Variants in TLL1 observed in about 807,000 individuals in gnomAD.
TLL1 encodes tolloid-like protein 1.
A neutral mutation model predicts 128.2 loss-of-function variants in TLL1; 49 were observed. The observed-to-expected ratio is 0.38, with a 90% confidence interval of 0.30 to 0.48. The LOEUF is 0.48. Among genes scored for constraint, TLL1 ranks in the 20% least tolerant of loss-of-function variants. TLL1 has a pLI of 0.96. For synonymous variants in TLL1, 454 were observed against 418.8 expected, an observed-to-expected ratio of 1.08 and a Z score of -1.03; for missense variants, 1,123 against 1,242.0, an observed-to-expected ratio of 0.90 and a Z score of 1.44.
chr4:166,036,789 CTGTGTGTGTGTGTGTGTGTGTGTGTG>C (rs3047083), intron 9 of TLL1, among the ~76,000 whole-genome samples: 1 of 145,122 alleles, frequency 6.9e-6, no homozygotes, highest in African/African-American at 2.6e-5. Context: ...CCCTATCCAA[CTGTGTGTGTGTGTGTGTGTGTGTGTG>C]TGTGTGTGTG....
In TLL1 at chr4:166,101,734, G is replaced by A. The variant is rs1198068551; in HGVS notation, c.*858G>A. 2 of 152,414 alleles carry A rather than the reference G, an allele frequency of 1.3e-5. No homozygotes were observed. The highest frequency in any genetic ancestry group is 2.1e-4 in the South Asian group (1 of 4,820). The allele number at this position is 152,414 out of a possible 1,614,324, so 9.4% of individuals were successfully genotyped here. A position where few individuals can be genotyped will look rare whatever the true frequency, so the allele number is the denominator to read the frequency against. On this transcript the variant is annotated 3_prime_UTR_variant, in exon 21 of 21. Coordinates refer to ENST00000061240, the MANE Select transcript of TLL1 (RefSeq NM_012464.5). ...CAGGATTCTTCTGAATGACTGTCTG[G>A]ATGGTTCATTACTCAAGTTACTGCT... is the stretch of plus-strand genomic sequence containing the variant.
chr4:165,936,643 A>T (rs879625182), intron 1 of TLL1, among the ~76,000 whole-genome samples: 3 of 151,966 alleles, frequency 2.0e-5, no homozygotes, highest in Non-Finnish European at 4.4e-5. Context: ...ACTGAATGAA[A>T]TGTAGAGATC....
At chr4:165,944,734 T>C (rs529243978) in intron 1 of TLL1, among the ~76,000 whole-genome samples, 1 of 152,110 alleles carries the variant, frequency 6.6e-6, no homozygotes, top group South Asian at 2.1e-4. Context: ...TGGTGGTGGT[T>C]AGTGGAAAAA....
intron 6 of TLL1, among the ~76,000 whole-genome samples, chr4:166,004,960 C>T (rs891870960): frequency 7.9e-5 from 12 of 151,678 alleles, no homozygotes; most frequent in Admixed American, 4.0e-4. Context: ...GGGGGGGTGC[C>T]TGAAGTCCAG....
intron 9 of TLL1, among the ~76,000 whole-genome samples, 175 bp from the exon 10 acceptor site, chr4:166,039,164 C>T (rs1032663310): frequency 3.9e-5 from 6 of 152,062 alleles, no homozygotes; most frequent in Non-Finnish European, 7.4e-5. Flanking sequence ...AATGGGAAAA[C>T]ATGGTTTCAA....
intron 1 of TLL1, among the ~76,000 whole-genome samples, chr4:165,973,857 G>A (rs1278751423): frequency 6.6e-6 from 1 of 151,880 alleles, no homozygotes; most frequent in African/African-American, 2.4e-5. Flanking sequence ...ATAGAGATGG[G>A]GTTTCACCAT....
At chr4:166,024,118 T>C (rs1351522025) in intron 8 of TLL1, among the ~76,000 whole-genome samples, 1 of 152,240 alleles carries the variant, frequency 6.6e-6, no homozygotes, top group Admixed American at 6.5e-5. Flanking sequence ...TTGAGCTTTG[T>C]TGTCCCAAAG....
chr4:166,011,717 T>C (rs1737703796), intron 7 of TLL1, among the ~76,000 whole-genome samples: 1 of 151,544 alleles, frequency 6.6e-6, no homozygotes, highest in South Asian at 2.1e-4. Flanking sequence ...GTTCCTTATC[T>C]TAAAAGAAAA....
At chr4:165,987,211 G>T (rs1190390057) in intron 1 of TLL1, among the ~76,000 whole-genome samples, 1 of 152,084 alleles carries the variant, frequency 6.6e-6, no homozygotes, top group Non-Finnish European at 1.5e-5. Context: ...GCCAGTGGAT[G>T]ATCAGAGCTA....
At chr4:166,048,238 GAAA>G (rs56801648) in intron 12 of TLL1, among the ~76,000 whole-genome samples, 6 of 100,644 alleles carry the variant, frequency 6.0e-5, no homozygotes, top group African/African-American at 1.7e-4. Context: ...TTCCGTCTCG[GAAA>G]AAAAAAAAAA....
chr4:166,075,220 C>A (rs906235048), intron 17 of TLL1, among the ~76,000 whole-genome samples: 1 of 152,176 alleles, frequency 6.6e-6, no homozygotes, highest in Non-Finnish European at 1.5e-5. Context: ...CTTTGTATAG[C>A]AGACATAGTA....
At chr4:165,959,851 G>A (rs1453467661) in intron 1 of TLL1, among the ~76,000 whole-genome samples, 1 of 152,062 alleles carries the variant, frequency 6.6e-6, no homozygotes, top group Non-Finnish European at 1.5e-5. Context: ...TGTGTTAATA[G>A]GAAAGCTTAT....
chr4:165,970,804 C>T (rs373806719), intron 1 of TLL1, among the ~76,000 whole-genome samples: 90 of 152,266 alleles, frequency 5.9e-4, no homozygotes, highest in African/African-American at 1.3e-3. Context: ...GACACTGATA[C>T]GTGCAAAATC....
intron 8 of TLL1, among the ~76,000 whole-genome samples, chr4:166,023,136 CG>C (rs1378556206): frequency 3.3e-5 from 5 of 152,152 alleles, no homozygotes; most frequent in African/African-American, 2.4e-5. Flanking sequence ...CAGTGGCTCA[CG>C]CCTGTAACCC....
intron 1 of TLL1, among the ~76,000 whole-genome samples, chr4:165,921,503 C>T (rs1398101455): frequency 6.6e-6 from 1 of 152,204 alleles, no homozygotes; most frequent in South Asian, 2.1e-4. Flanking sequence ...TTTCTTAACA[C>T]TGTTTCTTCC....
At chr4:166,030,128 T>C (rs1254690984) in intron 9 of TLL1, among the ~76,000 whole-genome samples, 2 of 152,100 alleles carry the variant, frequency 1.3e-5, no homozygotes, top group South Asian at 2.1e-4. Context: ...AGGGTTCCAA[T>C]TTCTGTCCAT....
rs1038367338 is a variant in TLL1 at position 165,994,593 on chromosome 4, G to C, written c.514+60G>C. 3.7e-5 allele frequency: 58 copies of C among 1,585,780 alleles called. 1 individual carries two copies. The Middle Eastern group carries it at 6.7e-4, about 18-fold the overall frequency. ...AAATAAAAACTATCATACAGATTAA[G>C]TGTCTATTTTTATAGAATATTAACA... is the stretch of plus-strand genomic sequence containing the variant. On this transcript the variant is annotated intron_variant, in intron 4 of 20. Coordinates refer to ENST00000061240, the MANE Select transcript of TLL1 (RefSeq NM_012464.5).
At chr4:165,901,911 G>A (rs1278061557) in intron 1 of TLL1, among the ~76,000 whole-genome samples, 2 of 152,202 alleles carry the variant, frequency 1.3e-5, no homozygotes, top group East Asian at 3.9e-4. Flanking sequence ...CCCTGAGTGG[G>A]GCTGCTGGCT....
intron 16 of TLL1, 128 bp from the exon 17 acceptor site, chr4:166,074,750 T>G (rs1478101920): frequency 4.3e-6 from 5 of 1,164,874 alleles, no homozygotes; most frequent in Non-Finnish European, 6.3e-6. Flanking sequence ...GTTTGTTTTA[T>G]GTTGGGAACA....
Sources: gnomAD v4.1 joint callset for allele counts (sites outside exome capture counted in the v4.1 genomes callset) on GRCh38, gnomAD v4.1.1 for gene constraint, MANE v1.5 for transcripts, NCBI Gene and HGNC (gene_info 2026-07-23, HGNC 2026-07-21) for gene names.